Variants in CLSTN2 observed in about 807,000 individuals in gnomAD.
The protein encoded by CLSTN2 is calsyntenin-2.
A neutral mutation model predicts 101.2 loss-of-function variants in CLSTN2; 48 were observed. The observed-to-expected ratio is 0.47, with a 90% CI of 0.38 to 0.60. The LOEUF (loss-of-function observed/expected upper bound fraction) is 0.60, where lower values mean the gene tolerates loss of function less well. CLSTN2 is among the 20% of genes least tolerant of loss of function. The pLI is 0.00. For synonymous variants in CLSTN2, 481 were observed against 463.6 expected (o/e 1.04, Z -0.48); for missense variants, 1,160 against 1,238.2 (o/e 0.94, Z 0.95).
chr3:140,139,519 C>T (rs552188687), intron 1 of CLSTN2, among the ~76,000 whole-genome samples: 1 of 152,256 alleles, frequency 6.6e-6, no homozygotes, highest in South Asian at 2.1e-4. Flanking sequence ...ACTCTTCCTT[C>T]CTGCATCTCA....
At chr3:140,557,367 AC>A (rs1469404788) in intron 11 of CLSTN2, among the ~76,000 whole-genome samples, 2 of 152,352 alleles carry the variant, frequency 1.3e-5, no homozygotes, top group Admixed American at 6.5e-5. Flanking sequence ...TGGGACAGGC[AC>A]CAGAAAAAAA....
chr3:140,222,414 G>A (rs1395136189), intron 2 of CLSTN2, among the ~76,000 whole-genome samples: 1 of 152,136 alleles, frequency 6.6e-6, no homozygotes. Context: ...GTATTTGATA[G>A]CACAACAGGG....
chr3:140,341,323 C>G, intron 2 of CLSTN2, among the ~76,000 whole-genome samples: 1 of 152,252 alleles, frequency 6.6e-6, no homozygotes, highest in Non-Finnish European at 1.5e-5. Flanking sequence ...GTCTCAGCTG[C>G]GAATTTGGCC....
At chr3:140,018,745 C>T (rs184501409) in intron 1 of CLSTN2, among the ~76,000 whole-genome samples, 215 of 152,150 alleles carry the variant, frequency 1.4e-3, no homozygotes, top group African/African-American at 4.7e-3. Context: ...CATTTCCAAA[C>T]GAGGGAGGGA....
At chr3:140,031,063 G>C (rs754521392) in intron 1 of CLSTN2, among the ~76,000 whole-genome samples, 91 of 152,136 alleles carry the variant, frequency 6.0e-4, no homozygotes, top group Non-Finnish European at 8.1e-4. Flanking sequence ...ATGGCCAAAG[G>C]CTAGGATGCC....
chr3:140,190,438 C>CAAAA (rs35206840), intron 2 of CLSTN2, among the ~76,000 whole-genome samples: 120 of 82,360 alleles, frequency 1.5e-3, no homozygotes, highest in South Asian at 2.6e-3. Context: ...TCTATAGCTA[C>CAAAA]AAAAAAAAAA....
intron 1 of CLSTN2, among the ~76,000 whole-genome samples, chr3:140,063,326 G>A (rs1323946722): frequency 1.3e-5 from 2 of 152,176 alleles, no homozygotes; most frequent in Non-Finnish European, 2.9e-5. Context: ...GGTATTGCTG[G>A]GCTTTTTTCT....
intron 1 of CLSTN2, among the ~76,000 whole-genome samples, chr3:139,953,384 A>C (rs1935327102): frequency 1.3e-5 from 2 of 152,090 alleles, no homozygotes; most frequent in South Asian, 4.1e-4. Flanking sequence ...CAAACCCAAC[A>C]TGTTCCCCCT....
rs569249178 is a variant in CLSTN2, at chr3:140,510,783, A to G, written c.1345-21541A>G. On this transcript the variant is annotated intron_variant, in intron 8 of 16. Transcript: ENST00000458420. The stretch of plus-strand genomic sequence containing the variant: ...CTGGGAAGATCTTGAATAGATTTGC[A>G]AATGAGAGTAACATCTTTGCCCTGG... Among the ~76,000 whole-genome samples, 5 of 152,368 alleles carry G rather than the reference A, an allele frequency of 3.3e-5. No homozygotes were observed. In the South Asian group the frequency reaches 1.0e-3, roughly 32 times the overall value.
rs112369330 is a variant in CLSTN2, at chr3:140,157,884, G to T, written c.110-18067G>T. On this transcript the variant is annotated intron_variant, in intron 1 of 16. Coordinates refer to ENST00000458420, the MANE Select transcript of CLSTN2 (RefSeq NM_022131.3). ...TACACAAATCAGTAAATGTGATTCAGCACATAAACAGAATTAAAAGCAAAA... is the reference window on the plus strand; with the variant it reads ...TACACAAATCAGTAAATGTGATTCATCACATAAACAGAATTAAAAGCAAAA... Among the ~76,000 whole-genome samples the T allele has an allele frequency of 2.6e-3, 401 of 152,234 alleles. 2 individuals carry two copies. Among genetic ancestry groups the T allele is most frequent in the African/African-American group, 9.4e-3 (391 of 41,546 alleles).
intron 2 of CLSTN2, among the ~76,000 whole-genome samples, chr3:140,270,420 A>G (rs1029854461): frequency 6.6e-6 from 1 of 152,166 alleles, no homozygotes; most frequent in African/African-American, 2.4e-5. Context: ...CCACTTTTGT[A>G]ACAAATGAGA....
chr3:140,511,995 T>C (rs1934824304), intron 8 of CLSTN2, among the ~76,000 whole-genome samples: 1 of 152,106 alleles, frequency 6.6e-6, no homozygotes, highest in Non-Finnish European at 1.5e-5. Context: ...ATTTTTTTTT[T>C]CTTGTACGTT....
intron 2 of CLSTN2, among the ~76,000 whole-genome samples, chr3:140,318,389 C>A (rs778728435): frequency 6.6e-6 from 1 of 152,092 alleles, no homozygotes; most frequent in Non-Finnish European, 1.5e-5. Flanking sequence ...AAAGACAGAG[C>A]AGGTAGATCA....
At chr3:140,395,178 A>G (rs1170055919) in intron 2 of CLSTN2, among the ~76,000 whole-genome samples, 1 of 152,196 alleles carries the variant, frequency 6.6e-6, no homozygotes, top group Non-Finnish European at 1.5e-5. Context: ...ATGACTTTTA[A>G]AATAAAATAA....
At chr3:140,161,541 C>T (rs1030879595) in intron 1 of CLSTN2, among the ~76,000 whole-genome samples, 1 of 152,142 alleles carries the variant, frequency 6.6e-6, no homozygotes, top group South Asian at 2.1e-4. Context: ...ATCCAGTCAA[C>T]AAGTTACTTT....
chr3:140,500,982 G>C (rs1021300513), intron 8 of CLSTN2, among the ~76,000 whole-genome samples: 1 of 152,104 alleles, frequency 6.6e-6, no homozygotes, highest in Non-Finnish European at 1.5e-5. Flanking sequence ...TTATGATTGA[G>C]TACCAGTCTT....
In CLSTN2 at chr3:140,258,321, A is replaced by G. The variant is rs1292705412; in HGVS notation, c.232+82248A>G. ...AGACATATGTAGCTGAAGTTACTTT[A>G]ATACTTTGTGCTTGGGTCAAATATT... On this transcript the variant is annotated intron_variant, in intron 2 of 16. Coordinates refer to ENST00000458420, the MANE Select transcript of CLSTN2 (RefSeq NM_022131.3). Among the ~76,000 whole-genome samples the G allele has an allele frequency of 2.0e-5, 3 of 152,308 alleles. No individual in the cohort carries two copies. The East Asian group carries it at 5.8e-4, about 29-fold the overall frequency.
chr3:140,531,768 C>T (rs938900511), intron 8 of CLSTN2, among the ~76,000 whole-genome samples: 3 of 152,160 alleles, frequency 2.0e-5, no homozygotes, highest in African/African-American at 7.2e-5. Context: ...TTGTGACTCT[C>T]TTCTAGCCCC....
intron 1 of CLSTN2, among the ~76,000 whole-genome samples, chr3:140,005,403 G>T (rs201443816): frequency 6.6e-6 from 1 of 152,152 alleles, no homozygotes; most frequent in East Asian, 1.9e-4. Flanking sequence ...TGCATTTGGT[G>T]TTGATCCAGC....
Sources: gnomAD v4.1 joint callset for allele counts (sites outside exome capture counted in the v4.1 genomes callset) on GRCh38, gnomAD v4.1.1 for gene constraint, MANE v1.5 for transcripts, NCBI Gene and HGNC (gene_info 2026-07-23, HGNC 2026-07-21) for gene names.